MEG3: variants seen among roughly 807,000 people sequenced by gnomAD.
MEG3 encodes maternally expressed 3, also known as Very putative protein from MEG3 locus.
chr14:100,849,912 C>T (rs2038018383), intron 3 of MEG3: 1 of 152,108 alleles, frequency 6.6e-6, no homozygotes, highest in South Asian at 2.1e-4. Context: ...AAATACATTA[C>T]ACCTTTCAAA....
At chr14:100,836,799 TG>T (rs1228732316) in intron 2 of MEG3, among the ~76,000 whole-genome samples, 1 of 151,962 alleles carries the variant, frequency 6.6e-6, no homozygotes, top group Non-Finnish European at 1.5e-5. Flanking sequence ...TTCTCACACA[TG>T]AGGCTTTGAT....
downstream of MEG3, chr14:100,831,626 T>G (rs3087918): frequency 0.39 from 58,937 of 152,096 alleles, 11,622 homozygotes; most frequent in Admixed American, 0.47. Context: ...GGGCTCTGCG[T>G]CTCCGGTTCA....
intron 3 of MEG3, chr14:100,847,568 A>G (rs1403210048): frequency 3.3e-5 from 5 of 152,244 alleles, no homozygotes; most frequent in Non-Finnish European, 7.3e-5. Flanking sequence ...TCACAGATTA[A>G]GGGCTATGGC....
intron 2 of MEG3, among the ~76,000 whole-genome samples, chr14:100,843,700 CA>C (rs1485431284): frequency 6.6e-6 from 1 of 152,050 alleles, no homozygotes; most frequent in Non-Finnish European, 1.5e-5. Context: ...GAGGCAGAGG[CA>C]GCAGGGGTGG....
At chr14:100,831,989 C>T (rs2037408082), downstream of MEG3, 1 of 152,002 alleles carries the variant, frequency 6.6e-6, no homozygotes. Context: ...CAACTGGAGG[C>T]ACCACTAGAT....
chr14:100,848,074 TGAGTGAGA>T (rs1355071982), intron 3 of MEG3: 5 of 151,004 alleles, frequency 3.3e-5, no homozygotes, highest in Non-Finnish European at 5.9e-5. Context: ...CAAGAGAGAA[TGAGTGAGA>T]GAGTGAGAGA....
intron 3 of MEG3, chr14:100,852,072 A>G (rs1595299855): frequency 3.3e-6 from 1 of 307,462 alleles, no homozygotes. Context: ...TGTGGCAGGG[A>G]GCACGTGGGA....
At chr14:100,860,331 A>G (rs1262253872) in exon 1 of MEG3, 5 of 256,920 alleles carry the variant, frequency 1.9e-5, no homozygotes, top group Non-Finnish European at 3.8e-5. Context: ...GGTTGGGCAG[A>G]AGAGCTGGGG....
upstream of MEG3, chr14:100,855,783 G>T (rs148537657): frequency 6.6e-6 from 1 of 152,230 alleles, no homozygotes; most frequent in Non-Finnish European, 1.5e-5. Flanking sequence ...AAGGGGCCGT[G>T]CTTGTGTGTC....
At chr14:100,854,684 G>A (rs941888684), upstream of MEG3, 2 of 152,550 alleles carry the variant, frequency 1.3e-5, no homozygotes, top group Non-Finnish European at 2.9e-5. Flanking sequence ...CTAGCACCCT[G>A]TACAATCAGT....
At chr14:100,826,216 C>A (rs45546040) in intron 1 of MEG3, 1 of 152,124 alleles carries the variant, frequency 6.6e-6, no homozygotes, top group Non-Finnish European at 1.5e-5. Flanking sequence ...ATCCCTCACC[C>A]GGTGAGTGGT....
In MEG3 at chr14:100,837,857, C is replaced by CT. The variant is rs1367691903; in HGVS notation, n.3045+1558dup. On this transcript the variant is annotated intron_variant and non_coding_transcript_variant, in intron 2 of 3. Transcript: ENST00000398461. The surrounding 1 kb of genome is among the most constrained non-coding windows in gnomAD (Gnocchi z 5.8). ...GGGGCAGAGGCGCTCTAACCTGGGG[C>CT]TGTTGCCTTTGTCTGCTTGTTTCTG... 2.6e-5 allele frequency among the ~76,000 whole-genome samples: 4 copies of CT among 152,094 alleles called. No homozygotes were observed. The highest frequency in any genetic ancestry group is 2.0e-4 in the Admixed American group (3 of 15,278).
At chr14:100,847,122 T>A (rs1328473534) in intron 3 of MEG3, 1 of 149,282 alleles carries the variant, frequency 6.7e-6, no homozygotes, top group Non-Finnish European at 1.5e-5. Context: ...CTGATACAAA[T>A]AATATATGCT....
intron 1 of MEG3, chr14:100,827,332 G>C (rs915832717): frequency 2.6e-5 from 4 of 152,094 alleles, no homozygotes; most frequent in Non-Finnish European, 4.4e-5. Flanking sequence ...CGGAATTTTG[G>C]GGGGCGGGGT....
downstream of MEG3, chr14:100,829,773 G>A (rs1333458134): frequency 6.6e-6 from 1 of 152,160 alleles, no homozygotes; most frequent in Non-Finnish European, 1.5e-5. Flanking sequence ...AGAGACCATC[G>A]ACGGGCTGAC....
exon 1 of MEG3, chr14:100,834,575 T>C (rs1262085774): frequency 2.4e-6 from 1 of 409,274 alleles, no homozygotes; most frequent in African/African-American, 2.0e-5. Flanking sequence ...CTGCTTCTGT[T>C]GCCTTCTTCC....
chr14:100,828,092 G>A (rs1401094417), intron 1 of MEG3, among the ~76,000 whole-genome samples: 2 of 152,066 alleles, frequency 1.3e-5, no homozygotes, highest in East Asian at 3.9e-4. Context: ...TAGCGACCTG[G>A]CGCGGTGGCC....
upstream of MEG3, chr14:100,852,424 C>T (rs757710840): frequency 1.9e-6 from 1 of 534,408 alleles, no homozygotes; most frequent in Admixed American, 1.9e-5. Flanking sequence ...TACCACGTGT[C>T]AGGGCCACAT....
In MEG3 at chr14:100,826,840, G is replaced by A. The variant is rs556612191; in HGVS notation, n.372-1868G>A. On this transcript the variant is annotated intron_variant and non_coding_transcript_variant, in intron 1 of 2. Transcript: ENST00000556407. Reference sequence around the variant, plus strand: ...GTAAAATTTCTACCCGATATCATCTGGTTCTGCCCTGATCAGCCACTTTCA... The same window carrying A: ...GTAAAATTTCTACCCGATATCATCTAGTTCTGCCCTGATCAGCCACTTTCA... Among the ~76,000 whole-genome samples, 12 of 152,264 alleles carry A rather than the reference G, an allele frequency of 7.9e-5. No homozygotes were observed. In the East Asian group the frequency reaches 1.2e-3, roughly 15 times the overall value.
Sources: allele counts gnomAD v4.1 joint callset (sites outside exome capture counted in the v4.1 genomes callset), GRCh38; gene constraint gnomAD v4.1.1; non-coding constraint Gnocchi (gnomAD v3.1); transcripts MANE v1.5; gene names NCBI Gene and HGNC (gene_info 2026-07-23, HGNC 2026-07-21).